DPCD: variants seen among roughly 807,000 people sequenced by gnomAD.
DPCD encodes the protein deleted in primary ciliary dyskinesia homolog (mouse).
In DPCD, 20 loss-of-function variants were observed where a neutral mutation model predicts 26.4. The ratio of observed to expected loss-of-function variants is 0.76; its 90% CI spans 0.53 to 1.10. DPCD has a LOEUF of 1.10. DPCD is among the 50% of genes least tolerant of loss of function. The probability of loss-of-function intolerance (pLI) is 0.00; values close to 1 mark genes in which losing one functional copy is unlikely to be tolerated. For missense variants in DPCD, 202 were observed against 253.9 expected (o/e 0.80, Z 1.39); for synonymous variants, 97 against 94.2 (o/e 1.03, Z -0.17).
At position 101,609,434 on chromosome 10, in the gene DPCD, C is replaced by T; in HGVS notation, c.575C>T (p.Thr192Ile). Residue 192 changes from threonine (T) to isoleucine (I), a missense_variant, in exon 6 of 6, where the codon ACA (threonine) becomes ATA (isoleucine). Thr to Ile is a moderately conservative substitution (Grantham distance 89, BLOSUM62 -1). Coordinates refer to ENST00000370151, the MANE Select transcript of DPCD (RefSeq NM_015448.3). The stretch of plus-strand genomic sequence containing the variant: ...CAGAAGGAACTAAAGAAGGTGAAGA[C>T]AGCCCACAGCAACGATGGGGACTGC... ...ELQKELKKVK[T>I]AHSNDGDCKT... The T allele has an allele frequency of 6.2e-7, 1 of 1,614,114 alleles. No individual in the cohort carries two copies. Among genetic ancestry groups the T allele is most frequent in the Non-Finnish European group, 8.5e-7 (1 of 1,180,002 alleles).
chr10:101,605,301 C>T, intron 4 of DPCD: 1 of 1,514,300 alleles, frequency 6.6e-7, no homozygotes. Flanking sequence ...AGGGCCTGGC[C>T]TCTGGTGCCC....
rs199897145 is a variant in DPCD, at chr10:101,600,716, C to T, written c.146-22C>T. The T allele has an allele frequency of 8.2e-6, 13 of 1,585,898 alleles. No individual in the cohort carries two copies. The highest frequency in any genetic ancestry group is 1.7e-4 in the Middle Eastern group (1 of 5,732). On this transcript the variant is annotated intron_variant, in intron 2 of 5. Coordinates refer to ENST00000370151, the MANE Select transcript of DPCD (RefSeq NM_015448.3). This position sits in a 1 kb window ranked among gnomAD's most constrained non-coding sequence, Gnocchi z 4.7. ...TCATCCTGATGCTTGCTTCTCATCC[C>T]GATGCTTGCTTCTCTCCCCAGTGAG...
rs774596770 is a variant in DPCD at position 101,609,436 on chromosome 10, G to A, written c.577G>A (p.Ala193Thr). ...LQKELKKVKT[A>T]HSNDGDCKTQ ...GAAGGAACTAAAGAAGGTGAAGACAGCCCACAGCAACGATGGGGACTGCAA... is the reference window on the plus strand; with the variant it reads ...GAAGGAACTAAAGAAGGTGAAGACAACCCACAGCAACGATGGGGACTGCAA... Residue 193 changes from alanine to threonine, a missense_variant, in exon 6 of 6, where the codon GCC becomes ACC. Physicochemically the swap from Ala to Thr is moderately conservative, Grantham distance 58. This residue lies in a region of DPCD where 118 missense variants were observed against 145.1 expected (regional missense o/e 0.81). Coordinates refer to ENST00000370151, the MANE Select transcript of DPCD (RefSeq NM_015448.3). 36 of 1,614,120 alleles carry A rather than the reference G, an allele frequency of 2.2e-5. No individual in the cohort carries two copies. Among genetic ancestry groups the A allele is most frequent in the Non-Finnish European group, 3.1e-5 (36 of 1,180,012 alleles).
At chr10:101,590,280 A>T (rs2063595258) in intron 1 of DPCD, among the ~76,000 whole-genome samples, 1 of 152,138 alleles carries the variant, frequency 6.6e-6, no homozygotes, top group African/African-American at 2.4e-5. Flanking sequence ...AGGTGCCAGG[A>T]TGGAAGCGAG....
At chr10:101,594,830 GC>G in intron 2 of DPCD, 92 bp downstream of exon 2, 1 of 1,238,378 alleles carries the variant, frequency 8.1e-7, no homozygotes, top group Non-Finnish European at 1.2e-6. Flanking sequence ...TGAGGTAGGA[GC>G]CCAGATCAAA....
rs1247452102 is a variant in DPCD, at chr10:101,600,775, G to A, written c.183G>A (p.Met61Ile). 2 of 1,613,716 alleles carry A rather than the reference G, an allele frequency of 1.2e-6. No individual in the cohort carries two copies. Among genetic ancestry groups the A allele is most frequent in the African/African-American group, 1.3e-5 (1 of 74,896 alleles). ...KWRVKSALGA[M>I]GQWQLEVGDP... is the part of the protein sequence containing the mutation. ...GTGTGAAAAGTGCCCTGGGAGCCATGGGCCAGTGGCAGCTTGAAGTAGGAG... is the reference window on the plus strand; with the variant it reads ...GTGTGAAAAGTGCCCTGGGAGCCATAGGCCAGTGGCAGCTTGAAGTAGGAG... Residue 61 changes from methionine to isoleucine, a missense_variant, in exon 3 of 6, where the codon ATG (methionine) becomes ATA (isoleucine). This residue lies in a region of DPCD where 37 missense variants were observed against 76.0 expected (regional missense o/e 0.49). Transcript: ENST00000370151. The surrounding 1 kb of genome is among the most constrained non-coding windows in gnomAD (Gnocchi z 4.7).
intron 1 of DPCD, 59 bp from the exon 2 acceptor site, chr10:101,594,599 C>T: frequency 6.4e-7 from 1 of 1,560,014 alleles, no homozygotes; most frequent in South Asian, 1.1e-5. Context: ...GCCCCTTGAT[C>T]TGCAAGGGAC....
chr10:101,593,619 C>T (rs1221773363), intron 1 of DPCD, among the ~76,000 whole-genome samples: 1 of 152,010 alleles, frequency 6.6e-6, no homozygotes, highest in Non-Finnish European at 1.5e-5. Flanking sequence ...GACAGAGTCT[C>T]ACTCTGTTGC....
chr10:101,608,629 A>G (rs1045745446), intron 4 of DPCD, among the ~76,000 whole-genome samples: 3 of 152,184 alleles, frequency 2.0e-5, no homozygotes, highest in Admixed American at 2.0e-4. Context: ...CTCTTCTGCC[A>G]CTGGACTGGA....
chr10:101,595,526 T>C (rs1027077370), intron 2 of DPCD, among the ~76,000 whole-genome samples: 2 of 152,222 alleles, frequency 1.3e-5, no homozygotes, highest in Admixed American at 6.5e-5. Flanking sequence ...TTGTCATTAT[T>C]CTTGGCTTTA....
intron 2 of DPCD, among the ~76,000 whole-genome samples, chr10:101,598,359 ACAG>A (rs1380391536): frequency 6.6e-6 from 1 of 152,228 alleles, no homozygotes; most frequent in Non-Finnish European, 1.5e-5. Context: ...TTAAAAAAAA[ACAG>A]AAACCTTTCA....
At position 101,600,870 on chromosome 10, in the gene DPCD, C is replaced by T. The variant is rs777901354; in HGVS notation, c.270+8C>T. The stretch of plus-strand genomic sequence containing the variant: ...AAGGAAAGCAATGCCAATGTACGTC[C>T]ATCTGTCCAGGTGTCTTGCACGGAC... On this transcript the variant is annotated splice_region_variant and intron_variant, in intron 3 of 5. Transcript: ENST00000370151. The surrounding 1 kb of genome is among the most constrained non-coding windows in gnomAD (Gnocchi z 4.7). The T allele has an allele frequency of 5.0e-6, 8 of 1,613,890 alleles. No individual in the cohort carries two copies. The South Asian group carries it at 8.8e-5, about 18-fold the overall frequency.
intron 4 of DPCD, chr10:101,605,148 GTTGGAGGC>G (rs1469775204): frequency 3.2e-6 from 5 of 1,550,564 alleles, no homozygotes; most frequent in Non-Finnish European, 4.4e-6. Context: ...AGGCGGACTG[GTTGGAGGC>G]TTCTCTGGAC....
chr10:101,592,154 G>A (rs1358861519), intron 1 of DPCD, among the ~76,000 whole-genome samples: 1 of 152,040 alleles, frequency 6.6e-6, no homozygotes, highest in Non-Finnish European at 1.5e-5. Context: ...AATAATCATT[G>A]GGTAAGGGAA....
intron 2 of DPCD, among the ~76,000 whole-genome samples, chr10:101,597,824 CAA>C (rs1336381107): frequency 5.3e-5 from 8 of 152,186 alleles, no homozygotes; most frequent in East Asian, 1.9e-4. Context: ...AAAGACAAGA[CAA>C]AGTGTGCATT....
intron 2 of DPCD, among the ~76,000 whole-genome samples, chr10:101,594,960 C>T (rs1246225113): frequency 6.6e-6 from 1 of 152,160 alleles, no homozygotes; most frequent in East Asian, 1.9e-4. Context: ...CCCCTCACCC[C>T]AGACAAATGA....
chr10:101,603,618 G>A lies in DPCD; in HGVS notation c.404+2282G>A, dbSNP rs569580046. 2.0e-5 allele frequency among the ~76,000 whole-genome samples: 3 copies of A among 152,030 alleles called. No homozygotes were observed. Among genetic ancestry groups the A allele is most frequent in the Non-Finnish European group, 2.9e-5 (2 of 68,002 alleles). On this transcript the variant is annotated intron_variant, in intron 4 of 5. Coordinates refer to ENST00000370151, the MANE Select transcript of DPCD (RefSeq NM_015448.3). This position sits in a 1 kb window ranked among gnomAD's most constrained non-coding sequence, Gnocchi z 4.6. ...CTAAAAATACAAAAATTAGCCAGGC[G>A]TGGTGGTGCATGCCTGTAGTCCCAG... is the stretch of plus-strand genomic sequence containing the variant.
chr10:101,605,375 A>G (rs530487085), intron 4 of DPCD, among the ~76,000 whole-genome samples: 1 of 152,346 alleles, frequency 6.6e-6, no homozygotes, highest in South Asian at 2.1e-4. Context: ...GCAATAGATC[A>G]TTACTGAAAT....
chr10:101,590,026 T>C (rs1255138612), intron 1 of DPCD, among the ~76,000 whole-genome samples: 8 of 149,220 alleles, frequency 5.4e-5, no homozygotes, highest in Admixed American at 5.4e-4. Context: ...GCACTCCAGC[T>C]TGGGCGACAG....
Sources: gnomAD v4.1 joint callset for allele counts (sites outside exome capture counted in the v4.1 genomes callset) on GRCh38, gnomAD v4.1.1 for gene constraint, gnomAD v4.1.1 regional missense constraint, Gnocchi (gnomAD v3.1) non-coding constraint, MANE v1.5 for transcripts, NCBI Gene and HGNC (gene_info 2026-07-23, HGNC 2026-07-21) for gene names.